Variants in ZNF875 observed in about 807,000 individuals in gnomAD.
The protein encoded by ZNF875 is HKR1, GLI-Kruppel zinc finger family member.
In ZNF875, 14 loss-of-function variants were observed where a neutral mutation model predicts 11.2. The observed-to-expected ratio is 1.26, with a 90% CI of 0.83 to 1.96. The LOEUF is 1.96. ZNF875 is among the 30% of genes most tolerant of loss of function. ZNF875 has a pLI of 0.00. For synonymous variants in ZNF875, 301 were observed against 281.1 expected, an observed-to-expected ratio of 1.07 and a Z score of -0.71; for missense variants, 752 against 760.4, an observed-to-expected ratio of 0.99 and a Z score of 0.13.
At chr19:37,353,782 T>C (rs967168210) in intron 4 of ZNF875, among the ~76,000 whole-genome samples, 1 of 152,214 alleles carries the variant, frequency 6.6e-6, no homozygotes, top group African/African-American at 2.4e-5. Flanking sequence ...TATTTTGATC[T>C]TCTCTGGCTG....
chr19:37,361,003 T>A (rs1284421473), intron 4 of ZNF875, among the ~76,000 whole-genome samples: 1 of 151,880 alleles, frequency 6.6e-6, no homozygotes, highest in East Asian at 1.9e-4. Context: ...TTTGAAATTT[T>A]ATGCTTACAA....
chr19:37,329,499 G>T (rs967082025), intron 4 of ZNF875, among the ~76,000 whole-genome samples: 1 of 152,170 alleles, frequency 6.6e-6, no homozygotes, highest in Non-Finnish European at 1.5e-5. Flanking sequence ...ACTTCACAGT[G>T]TAAGTGCAGT....
intron 2 of ZNF875, among the ~76,000 whole-genome samples, chr19:37,336,324 G>T (rs1237219899): frequency 7.3e-6 from 1 of 136,058 alleles, no homozygotes; most frequent in Non-Finnish European, 1.6e-5. Context: ...TTTTGAGACC[G>T]AGTCTCACTC....
upstream of ZNF875, chr19:37,313,238 A>T (rs1482731797): frequency 6.6e-6 from 1 of 151,702 alleles, no homozygotes; most frequent in Non-Finnish European, 1.5e-5. Context: ...AACAACAACA[A>T]CAACAACAAA....
chr19:37,332,445 G>A (rs1455419758), upstream of ZNF875, among the ~76,000 whole-genome samples: 2 of 152,102 alleles, frequency 1.3e-5, no homozygotes, highest in East Asian at 1.9e-4. Context: ...TCGAACTCCC[G>A]ACCTCAGGTG....
intron 3 of ZNF875, 191 bp from the exon 4 acceptor site, chr19:37,347,586 C>G: frequency 3.3e-6 from 2 of 610,702 alleles, no homozygotes; most frequent in Non-Finnish European, 2.9e-6. Context: ...TTTTCATACA[C>G]CAAGTGTTCA....
upstream of ZNF875, among the ~76,000 whole-genome samples, chr19:37,333,952 A>C (rs975897294): frequency 6.6e-6 from 1 of 151,558 alleles, no homozygotes; most frequent in Non-Finnish European, 1.5e-5. Flanking sequence ...TCCAAGCCGC[A>C]CCTGTACCCC....
chr19:37,344,739 C>A, intron 2 of ZNF875: 1 of 1,610,392 alleles, frequency 6.2e-7, no homozygotes, highest in Non-Finnish European at 8.5e-7. Flanking sequence ...GGTTCACAGA[C>A]AAACCATGAG....
chr19:37,361,392 A>C (rs1448949862), intron 4 of ZNF875, among the ~76,000 whole-genome samples: 15 of 152,174 alleles, frequency 9.9e-5, no homozygotes, highest in Admixed American at 9.8e-4. Context: ...TACAGGCGTC[A>C]TAAGTTTTTG....
intron 4 of ZNF875, among the ~76,000 whole-genome samples, chr19:37,353,166 GC>G (rs2038245666): frequency 6.6e-6 from 1 of 152,122 alleles, no homozygotes; most frequent in South Asian, 2.1e-4. Context: ...GAGCCACCGC[GC>G]CCGGCTCCTT....
At chr19:37,322,638 G>A (rs994213030) in intron 2 of ZNF875, among the ~76,000 whole-genome samples, 3 of 152,172 alleles carry the variant, frequency 2.0e-5, no homozygotes, top group Non-Finnish European at 4.4e-5. Flanking sequence ...ACCCAGGGTG[G>A]CTGATTTCCA....
chr19:37,337,384 A>G (rs911864438), intron 2 of ZNF875: 1 of 152,222 alleles, frequency 6.6e-6, no homozygotes, highest in Non-Finnish European at 1.5e-5. Flanking sequence ...GATGTTAAGA[A>G]GGGACTTGAC....
At chr19:37,334,496 G>C (rs2145882043), upstream of ZNF875, 1 of 324,222 alleles carries the variant, frequency 3.1e-6, no homozygotes, top group Non-Finnish European at 6.2e-6. Context: ...CGTAAACTTG[G>C]TTGTGTGCGC....
chr19:37,314,060 T>C (rs2030076648), upstream of ZNF875, among the ~76,000 whole-genome samples: 1 of 152,106 alleles, frequency 6.6e-6, no homozygotes, highest in Non-Finnish European at 1.5e-5. Context: ...ACAAAAGTCA[T>C]TCATTTATAT....
intron 4 of ZNF875, chr19:37,359,484 A>G: frequency 3.4e-6 from 1 of 293,850 alleles, no homozygotes; most frequent in Non-Finnish European, 7.0e-6. Flanking sequence ...GCTCACTGCA[A>G]CCTCTGCCTC....
chr19:37,334,815 C>T (rs2033966657), intron 1 of ZNF875, 33 bp downstream of exon 1: 1 of 457,926 alleles, frequency 2.2e-6, no homozygotes, highest in Non-Finnish European at 4.4e-6. Context: ...GCATGCCCCT[C>T]TGCGTGTCCC....
At chr19:37,339,370 T>C (rs2035187173) in intron 2 of ZNF875, among the ~76,000 whole-genome samples, 1 of 152,082 alleles carries the variant, frequency 6.6e-6, no homozygotes, top group Admixed American at 6.5e-5. Context: ...GTTTCCCAAT[T>C]TTTGGACTCC....
At position 37,363,474 on chromosome 19, in the gene ZNF875, G is replaced by C; in HGVS notation, c.1622G>C (p.Arg541Thr). ...EKPFMCRECG[R>T]RFRQKPNLFR... is the part of the protein sequence containing the mutation. The stretch of plus-strand genomic sequence containing the variant: ...CCTTTTATGTGCAGGGAGTGTGGCA[G>C]AAGGTTTCGGCAGAAGCCTAACCTG... Residue 541 changes from arginine to threonine, a missense_variant, in exon 5 of 5, where the codon AGA becomes ACA. By Grantham distance (71) the Arg-to-Thr change is moderately conservative. Transcript: ENST00000392153. The C allele has an allele frequency of 6.2e-7, 1 of 1,613,250 alleles. No individual in the cohort carries two copies. The highest frequency in any genetic ancestry group is 8.5e-7 in the Non-Finnish European group (1 of 1,179,678).
chr19:37,339,032 C>T (rs2035108976), intron 2 of ZNF875, among the ~76,000 whole-genome samples: 1 of 152,000 alleles, frequency 6.6e-6, no homozygotes, highest in Admixed American at 6.6e-5. Context: ...TTTCCTTTTC[C>T]TTGGTGCCAT....
Sources: gnomAD v4.1 joint callset for allele counts (sites outside exome capture counted in the v4.1 genomes callset) on GRCh38, gnomAD v4.1.1 for gene constraint, MANE v1.5 for transcripts, NCBI Gene and HGNC (gene_info 2026-07-23, HGNC 2026-07-21) for gene names.